The following PHLPP2 variants were observed in gnomAD, a reference collection of about 807,000 sequenced individuals.
The protein encoded by PHLPP2 is PH domain and leucine rich repeat protein phosphatase 2.
A neutral mutation model predicts 124.9 loss-of-function variants in PHLPP2; 66 were observed. The ratio of observed to expected loss-of-function variants is 0.53; its 90% CI spans 0.43 to 0.65. The LOEUF is 0.65. PHLPP2 is among the 30% of genes least tolerant of loss of function. The probability of loss-of-function intolerance (pLI) is 0.00; values close to 1 mark genes in which losing one functional copy is unlikely to be tolerated. For missense variants in PHLPP2, 1,685 were observed against 1,600.4 expected, an observed-to-expected ratio of 1.05 and a Z score of -0.90; for synonymous variants, 681 against 624.7, an observed-to-expected ratio of 1.09 and a Z score of -1.34.
At chr16:71,724,155 A>G (rs1251351304) in intron 1 of PHLPP2, 174 bp downstream of exon 1, 2 of 152,558 alleles carry the variant, frequency 1.3e-5, no homozygotes, top group African/African-American at 4.8e-5. Flanking sequence ...TTGGAGGACT[A>G]GAGCGCAAGG....
At chr16:71,713,923 C>CAA (rs36116199) in intron 2 of PHLPP2, among the ~76,000 whole-genome samples, 7 of 135,866 alleles carry the variant, frequency 5.2e-5, no homozygotes, top group African/African-American at 1.9e-4. Context: ...TTACACTTTT[C>CAA]AAAAAAAAAA....
chr16:71,719,782 T>A (rs2045386203), intron 1 of PHLPP2, among the ~76,000 whole-genome samples: 1 of 151,860 alleles, frequency 6.6e-6, no homozygotes, highest in Non-Finnish European at 1.5e-5. Flanking sequence ...TACCCACTGC[T>A]TCAATTTTAC....
Position 71,724,434 on chromosome 16 carries a change from A to C in PHLPP2, c.-112T>G, listed in dbSNP as rs1361288227. 1 of 152,276 alleles carries C rather than the reference A, an allele frequency of 6.6e-6. No homozygotes were observed. The allele number at this position is 152,276 out of a possible 1,614,324, so 9.4% of individuals were successfully genotyped here. The stretch of plus-strand genomic sequence containing the variant: ...TCCGCTCACCTCCCAGCCATGTTTT[A>C]ATTCCCTTGCCTCCTCCTGGAGCAA... On this transcript the variant is annotated 5_prime_UTR_variant, in exon 1 of 19. The change creates a new upstream start codon in the 5' untranslated region. Transcript: ENST00000568954.
intron 1 of PHLPP2, among the ~76,000 whole-genome samples, chr16:71,716,675 C>T (rs1336347321): frequency 1.3e-5 from 2 of 152,142 alleles, no homozygotes; most frequent in African/African-American, 2.4e-5. Context: ...CCAAACACAC[C>T]AAGTACACCA....
Position 71,661,059 on chromosome 16 carries a change from G to A in PHLPP2, c.1986-2244C>T, listed in dbSNP as rs867010600. Among the ~76,000 whole-genome samples the A allele has an allele frequency of 6.3e-5, 9 of 142,178 alleles. No homozygotes were observed. The Middle Eastern group carries it at 0.011, about 168-fold the overall frequency. The allele number at this position is 142,178 out of a possible 152,430, so 93.3% of individuals were successfully genotyped here. ...TCTATTTTTTGTGATGTTAATTCTT[G>A]TCTTTGTCTTTTTTTTTTTTTTTTT... On this transcript the variant is annotated intron_variant, in intron 13 of 18. Transcript: ENST00000568954.
rs981517775 is a variant in PHLPP2, at chr16:71,714,449, T to C, written c.284+63A>G. On this transcript the variant is annotated intron_variant, in intron 2 of 18. Transcript: ENST00000568954. The stretch of plus-strand genomic sequence containing the variant: ...GAATTAAAATCCTAAAGTCCAGTTC[T>C]AAGCAGAAACACATTATTATTTATA... 8.1e-6 allele frequency: 12 copies of C among 1,482,582 alleles called. No individual in the cohort carries two copies. In the Admixed American group the frequency reaches 2.7e-4, roughly 34 times the overall value. 91.8% of individuals were successfully genotyped at this position (1,482,582 alleles called of 1,614,324 possible).
intron 3 of PHLPP2, among the ~76,000 whole-genome samples, chr16:71,692,822 G>GTTT (rs10689621): frequency 3.0e-4 from 46 of 151,904 alleles, no homozygotes; most frequent in East Asian, 7.7e-4. Flanking sequence ...ATTTTTCTTT[G>GTTT]TTTTTTTATT....
chr16:71,700,030 G>A (rs2045214186), intron 3 of PHLPP2, among the ~76,000 whole-genome samples: 1 of 152,164 alleles, frequency 6.6e-6, no homozygotes, highest in South Asian at 2.1e-4. Flanking sequence ...GGTTGAGCGG[G>A]GTGGGCTGAG....
At chr16:71,669,455 G>T in intron 10 of PHLPP2, 85 bp from the exon 11 acceptor site, 2 of 956,618 alleles carry the variant, frequency 2.1e-6, no homozygotes, top group East Asian at 2.4e-5. Context: ...CCATTAACCA[G>T]CCTGTGAGCC....
intron 12 of PHLPP2, 38 bp downstream of exon 12, chr16:71,667,140 T>G (rs1257974901): frequency 6.4e-7 from 1 of 1,568,218 alleles, no homozygotes. Context: ...GTTTAGCCAA[T>G]GATTCTGCTC....
chr16:71,709,241 T>G (rs1261303161), intron 2 of PHLPP2, among the ~76,000 whole-genome samples: 2 of 152,214 alleles, frequency 1.3e-5, no homozygotes, highest in Non-Finnish European at 1.5e-5. Context: ...ACAGGATGTT[T>G]CATTCCACCT....
chr16:71,656,450 T>G, intron 16 of PHLPP2, 121 bp downstream of exon 16: 1 of 619,276 alleles, frequency 1.6e-6, no homozygotes, highest in Non-Finnish European at 2.9e-6. Flanking sequence ...GACGCTGATG[T>G]TCTATGATTT....
At chr16:71,688,427 G>A (rs1038248291) in intron 4 of PHLPP2, among the ~76,000 whole-genome samples, 1 of 151,968 alleles carries the variant, frequency 6.6e-6, no homozygotes, top group Non-Finnish European at 1.5e-5. Flanking sequence ...CTCTTTCATA[G>A]GCAGATATTC....
At chr16:71,716,413 C>A (rs2045363310) in intron 1 of PHLPP2, among the ~76,000 whole-genome samples, 1 of 152,146 alleles carries the variant, frequency 6.6e-6, no homozygotes. Context: ...ATTAATGTCG[C>A]ATTTGATAAT....
Position 71,649,581 on chromosome 16 carries a change from C to T in PHLPP2, c.3281G>A (p.Gly1094Glu), listed in dbSNP as rs752956303. The change falls in exon 19 of 19, where the codon GGG (glycine) becomes GAG (glutamate). Residue 1094 changes from glycine (G) to glutamate (E), a missense_variant. By Grantham distance (98) the Gly-to-Glu change is moderately conservative. Coordinates refer to ENST00000568954, the MANE Select transcript of PHLPP2 (RefSeq NM_015020.3). Reference sequence around the variant, plus strand: ...ATTATGCTCATCAGAAGCAGTGGACCCCACTTCACTGCTCACCTCTGAGGT... The same window carrying T: ...ATTATGCTCATCAGAAGCAGTGGACTCCACTTCACTGCTCACCTCTGAGGT... ...MSTSEVSSEVGSTASDEHNAG... is the reference protein window; with the variant it reads ...MSTSEVSSEVESTASDEHNAG... 2 of 1,613,746 alleles carry T rather than the reference C, an allele frequency of 1.2e-6. No individual in the cohort carries two copies. Among genetic ancestry groups the T allele is most frequent in the South Asian group, 1.1e-5 (1 of 91,078 alleles).
At chr16:71,651,578 T>G (rs1190909369) in intron 18 of PHLPP2, among the ~76,000 whole-genome samples, 1 of 152,188 alleles carries the variant, frequency 6.6e-6, no homozygotes. Context: ...ACACTATCTT[T>G]TATCTTTCAT....
intron 10 of PHLPP2, 48 bp downstream of exon 10, chr16:71,672,214 T>C (rs1263948341): frequency 1.5e-6 from 2 of 1,376,610 alleles, no homozygotes; most frequent in South Asian, 1.2e-5. Context: ...TCCACATGTA[T>C]CTCTTAAATA....
intron 3 of PHLPP2, among the ~76,000 whole-genome samples, chr16:71,690,980 A>G (rs1283868569): frequency 6.6e-6 from 1 of 152,226 alleles, no homozygotes; most frequent in Non-Finnish European, 1.5e-5. Flanking sequence ...CTATGTACCC[A>G]GAGAAAGGCA....
intron 1 of PHLPP2, chr16:71,723,525 G>A (rs2045411606): frequency 1.2e-5 from 2 of 170,146 alleles, no homozygotes; most frequent in African/African-American, 4.8e-5. Flanking sequence ...GCGGCGCGCG[G>A]CCAGGGATGG....
Sources: allele counts gnomAD v4.1 joint callset (sites outside exome capture counted in the v4.1 genomes callset), GRCh38; gene constraint gnomAD v4.1.1; transcripts MANE v1.5; gene names NCBI Gene and HGNC (gene_info 2026-07-23, HGNC 2026-07-21).